Variants in CNOT3 observed in about 807,000 individuals in gnomAD.
The protein encoded by CNOT3 is CCR4-associated factor 3.
In CNOT3, 2 loss-of-function variants were observed where a neutral mutation model predicts 89.4. That is an observed-to-expected ratio of 0.02 (90% CI 0.01 to 0.07). The LOEUF (loss-of-function observed/expected upper bound fraction) is 0.07, where lower values mean the gene tolerates loss of function less well. Ranked by LOEUF, CNOT3 falls within the 10% of genes least tolerant of loss-of-function variation. The pLI is 1.00. For missense variants in CNOT3, 664 were observed against 1,010.2 expected, an observed-to-expected ratio of 0.66 and a Z score of 4.65; for synonymous variants, 486 against 402.0, an observed-to-expected ratio of 1.21 and a Z score of -2.50.
chr19:54,152,625 C>A lies in CNOT3; in HGVS notation c.1903C>A (p.Arg635=), dbSNP rs748101615. The A allele has an allele frequency of 1.9e-6, 3 of 1,608,890 alleles. No individual in the cohort carries two copies. Among genetic ancestry groups the A allele is most frequent in the African/African-American group, 2.7e-5 (2 of 74,944 alleles). The part of the protein sequence containing the change: ...MPHPSDSERI[R]QYLPRNPCPT... Reference sequence around the variant, plus strand: ...TCACCCCTCTGACTCTGAGCGTATTCGGTGAGGGGCCACAGGGAAGGGGGA... The same window carrying A: ...TCACCCCTCTGACTCTGAGCGTATTAGGTGAGGGGCCACAGGGAAGGGGGA... The change falls in exon 15 of 18, where the codon CGG becomes AGG. Residue 635 remains arginine (R), a splice_region_variant and synonymous_variant. Transcript: ENST00000221232.
intron 1 of CNOT3, chr19:54,142,310 G>C (rs2074481707): frequency 6.5e-6 from 1 of 153,616 alleles, no homozygotes; most frequent in Admixed American, 6.4e-5. Context: ...TTGGTGGTTT[G>C]AGTCCCTTCT....
chr19:54,146,413 AAAC>A (rs2074675581), intron 9 of CNOT3, among the ~76,000 whole-genome samples, 185 bp from the exon 10 acceptor site: 1 of 152,112 alleles, frequency 6.6e-6, no homozygotes, highest in South Asian at 2.1e-4. Flanking sequence ...GGCTCCCAGA[AAAC>A]AAGAAGACTG....
chr19:54,149,802 GT>G (rs2074959875), intron 13 of CNOT3, 44 bp downstream of exon 13: 2 of 1,529,644 alleles, frequency 1.3e-6, no homozygotes, highest in South Asian at 1.2e-5. Context: ...TCCTGACTCT[GT>G]TGTTTCTTTC....
rs1183281880 is a variant in CNOT3 at position 54,145,473 on chromosome 19, A to T, written c.484-125A>T. On this transcript the variant is annotated intron_variant, in intron 7 of 17. Coordinates refer to ENST00000221232, the MANE Select transcript of CNOT3 (RefSeq NM_014516.4). This position sits in a 1 kb window ranked among gnomAD's most constrained non-coding sequence, Gnocchi z 5.9. ...GTGGACCCCATACTGCCCCACCCCG[A>T]AGGGGATGGCGTGGAGGCTTTGGGT... 4.4e-6 allele frequency: 3 copies of T among 678,640 alleles called. No individual in the cohort carries two copies. In the African/African-American group the frequency reaches 5.4e-5, roughly 12 times the overall value. 42.0% of individuals were successfully genotyped at this position (678,640 alleles called of 1,614,324 possible). A position where few individuals can be genotyped will look rare whatever the true frequency, so the allele number is the denominator to read the frequency against.
At chr19:54,153,463 C>A (rs1396091030) in intron 16 of CNOT3, 1 of 775,976 alleles carries the variant, frequency 1.3e-6, no homozygotes, top group Non-Finnish European at 2.4e-6. Flanking sequence ...TCTCTCAGCT[C>A]TCATCACACA....
chr19:54,155,496 G>A lies in CNOT3; in HGVS notation c.*89G>A. ...CCCTGCCCTGGAAGACTGGAGGGAGGCCCCAAGCCACGGGGCATCCCCCTC... is the reference window on the plus strand; with the variant it reads ...CCCTGCCCTGGAAGACTGGAGGGAGACCCCAAGCCACGGGGCATCCCCCTC... On this transcript the variant is annotated 3_prime_UTR_variant, in exon 18 of 18. Coordinates refer to ENST00000221232, the MANE Select transcript of CNOT3 (RefSeq NM_014516.4). The A allele has an allele frequency of 4.0e-6, 4 of 1,003,000 alleles. No homozygotes were observed. Among genetic ancestry groups the A allele is most frequent in the Non-Finnish European group, 4.4e-6 (3 of 683,792 alleles). The allele number at this position is 1,003,000 out of a possible 1,614,324, so 62.1% of individuals were successfully genotyped here. A position where few individuals can be genotyped will look rare whatever the true frequency, so the allele number is the denominator to read the frequency against.
chr19:54,144,883 G>A lies in CNOT3; in HGVS notation c.483+551G>A, dbSNP rs1244271967. Among the ~76,000 whole-genome samples the A allele has an allele frequency of 6.6e-6, 1 of 152,162 alleles. No individual in the cohort carries two copies. Among genetic ancestry groups the A allele is most frequent in the Non-Finnish European group, 1.5e-5 (1 of 68,028 alleles). On this transcript the variant is annotated intron_variant, in intron 7 of 17. Coordinates refer to ENST00000221232, the MANE Select transcript of CNOT3 (RefSeq NM_014516.4). The surrounding 1 kb of genome is among the most constrained non-coding windows in gnomAD (Gnocchi z 4.8). ...AGACTTGCTGAAACCAGAAAGACAG[G>A]GAGGGGAGAGCCGGGTCCTCAGGGA...
chr19:54,143,338 G>C (rs2074530591), intron 3 of CNOT3, 104 bp from the exon 4 acceptor site: 1 of 1,253,076 alleles, frequency 8.0e-7, no homozygotes, highest in Admixed American at 1.7e-5. Context: ...TTGGGGGTAG[G>C]GGTTGGGGGG....
chr19:54,153,985 G>T, intron 17 of CNOT3, 145 bp downstream of exon 17: 1 of 1,042,678 alleles, frequency 9.6e-7, no homozygotes, highest in Non-Finnish European at 1.5e-6. Flanking sequence ...CCTCCCTCTG[G>T]CTGTCTGCTC....
In CNOT3 at chr19:54,148,102, C is replaced by T; in HGVS notation, c.895-46C>T. The T allele has an allele frequency of 7.3e-7, 1 of 1,372,284 alleles. No homozygotes were observed. Among genetic ancestry groups the T allele is most frequent in the Non-Finnish European group, 9.5e-7 (1 of 1,053,096 alleles). The allele number at this position is 1,372,284 out of a possible 1,614,324, so 85.0% of individuals were successfully genotyped here. A position where few individuals can be genotyped will look rare whatever the true frequency, so the allele number is the denominator to read the frequency against. On this transcript the variant is annotated intron_variant, in intron 10 of 17. Coordinates refer to ENST00000221232, the MANE Select transcript of CNOT3 (RefSeq NM_014516.4). The surrounding 1 kb of genome is among the most constrained non-coding windows in gnomAD (Gnocchi z 6.3). ...CTGAGGTGGGGGTGGTGAGGGAGAC[C>T]AGCTGGCCCACTGGGTCCTGACCCT...
Position 54,142,955 on chromosome 19 carries a change from G to C in CNOT3, c.-24G>C, listed in dbSNP as rs748702578. 2 of 1,613,130 alleles carry C rather than the reference G, an allele frequency of 1.2e-6. No individual in the cohort carries two copies. Among genetic ancestry groups the C allele is most frequent in the South Asian group, 1.1e-5 (1 of 91,070 alleles). On this transcript the variant is annotated 5_prime_UTR_variant, in exon 2 of 18. Transcript: ENST00000221232. ...GTCCGTCTCCAAGAGAGTATGAAGA[G>C]AGTGCGTCTGTAGGGCAGGGAAGAT...
chr19:54,151,196 A>G (rs2075081083), intron 13 of CNOT3, among the ~76,000 whole-genome samples: 1 of 152,190 alleles, frequency 6.6e-6, no homozygotes, highest in African/African-American at 2.4e-5. Context: ...ATCTTTTAAC[A>G]CCACCAACAA....
chr19:54,146,165 C>T, intron 9 of CNOT3, 122 bp downstream of exon 9: 2 of 1,076,872 alleles, frequency 1.9e-6, no homozygotes, highest in Non-Finnish European at 2.7e-6. Flanking sequence ...TCTAGGTATC[C>T]AGGGTCTAGG....
At chr19:54,138,186 C>T (rs2074293332) in intron 1 of CNOT3, among the ~76,000 whole-genome samples, 193 bp downstream of exon 1, 3 of 151,968 alleles carry the variant, frequency 2.0e-5, no homozygotes, top group African/African-American at 7.2e-5. Flanking sequence ...CTCTCGCCCT[C>T]CCGTTCCTGC....
chr19:54,141,828 G>A (rs2074461191), intron 1 of CNOT3: 1 of 152,174 alleles, frequency 6.6e-6, no homozygotes, highest in Non-Finnish European at 1.5e-5. Flanking sequence ...CCTCCCTGGA[G>A]GGGAAGAGGG....
intron 10 of CNOT3, among the ~76,000 whole-genome samples, chr19:54,147,632 A>G (rs183667629): frequency 2.0e-5 from 3 of 152,206 alleles, no homozygotes. Flanking sequence ...CGGTAGGGAT[A>G]CCATGAGCAC....
chr19:54,140,930 T>C (rs2074424401), intron 1 of CNOT3, among the ~76,000 whole-genome samples: 2 of 152,208 alleles, frequency 1.3e-5, no homozygotes, highest in Non-Finnish European at 2.9e-5. Flanking sequence ...TTGCCTTGTT[T>C]AGGGGTGTAG....
Position 54,153,024 on chromosome 19 carries a change from C to T in CNOT3, c.2037+25C>T, listed in dbSNP as rs762639076. ...GGTACAGCAGGGCCCCCGGGGCAGC[C>T]TCGGGCCCCCCGGCTTCGCCGCCAC... On this transcript the variant is annotated intron_variant, in intron 16 of 17. Transcript: ENST00000221232. 37 of 1,592,494 alleles carry T rather than the reference C, an allele frequency of 2.3e-5. 1 individual carries two copies. Among genetic ancestry groups the T allele is most frequent in the African/African-American group, 2.7e-5 (2 of 74,168 alleles).
Position 54,145,626 on chromosome 19 carries a change from G to T in CNOT3, c.512G>T (p.Arg171Leu). The T allele has an allele frequency of 1.9e-6, 3 of 1,613,832 alleles. No individual in the cohort carries two copies. Among genetic ancestry groups the T allele is most frequent in the Non-Finnish European group, 2.5e-6 (3 of 1,179,834 alleles). Residue 171 changes from arginine to leucine, a missense_variant, in exon 8 of 18, where the codon CGG (arginine) becomes CTG (leucine). By Grantham distance (102) the Arg-to-Leu change is moderately radical (BLOSUM62 -2). This residue lies in a region of CNOT3 where 37 missense variants were observed against 79.5 expected (regional missense o/e 0.47). Coordinates refer to ENST00000221232, the MANE Select transcript of CNOT3 (RefSeq NM_014516.4). This position sits in a 1 kb window ranked among gnomAD's most constrained non-coding sequence, Gnocchi z 5.9. ...CAGGACCGGATTGAGGGCTTGAAGC[G>T]GCACATCGAGAAGCACCGCTACCAC... is the stretch of plus-strand genomic sequence containing the variant. Reference protein sequence around the residue: ...DKQDRIEGLKRHIEKHRYHVR... With the variant: ...DKQDRIEGLKLHIEKHRYHVR...
Sources: allele counts gnomAD v4.1 joint callset (sites outside exome capture counted in the v4.1 genomes callset), GRCh38; gene constraint gnomAD v4.1.1; regional missense constraint gnomAD v4.1.1; non-coding constraint Gnocchi (gnomAD v3.1); transcripts MANE v1.5; gene names NCBI Gene and HGNC (gene_info 2026-07-23, HGNC 2026-07-21).